The following PKP4 variants were observed in gnomAD, a reference collection of about 807,000 sequenced individuals.
PKP4 encodes plakophilin-4.
A neutral mutation model predicts 145.1 loss-of-function variants in PKP4; 90 were observed. The observed-to-expected ratio is 0.62, with a 90% CI of 0.52 to 0.74. PKP4 has a LOEUF of 0.74. Ranked by LOEUF, PKP4 falls within the 30% of genes least tolerant of loss-of-function variation. PKP4 has a pLI of 0.00. For synonymous variants in PKP4, 563 were observed against 577.2 expected (o/e 0.98, Z 0.35); for missense variants, 1,340 against 1,482.7 (o/e 0.90, Z 1.58).
chr2:158,484,044 T>C (rs974016686), intron 1 of PKP4, among the ~76,000 whole-genome samples: 4 of 147,038 alleles, frequency 2.7e-5, no homozygotes, highest in African/African-American at 1.0e-4. Flanking sequence ...TTTTTTTTTT[T>C]TTTTTTTTGA....
At chr2:158,634,358 CT>C in intron 9 of PKP4, 69 bp downstream of exon 9, 1 of 1,224,580 alleles carries the variant, frequency 8.2e-7, no homozygotes, top group Non-Finnish European at 1.2e-6. Flanking sequence ...TCCATTTTGA[CT>C]TTTTTAAGTT....
chr2:158,559,970 G>C (rs2105733192), intron 2 of PKP4, among the ~76,000 whole-genome samples: 1 of 152,090 alleles, frequency 6.6e-6, no homozygotes, highest in South Asian at 2.1e-4. Flanking sequence ...GGATTCAAGT[G>C]ATTCTCCTGC....
chr2:158,533,488 A>G, intron 2 of PKP4, 172 bp downstream of exon 2: 1 of 749,340 alleles, frequency 1.3e-6, no homozygotes, highest in Non-Finnish European at 2.4e-6. Flanking sequence ...GAGCCGCTCC[A>G]GGTGCCAGTC....
At chr2:158,637,070 G>A (rs2053870424) in intron 9 of PKP4, among the ~76,000 whole-genome samples, 4 of 152,122 alleles carry the variant, frequency 2.6e-5, no homozygotes, top group South Asian at 2.1e-4. Context: ...ATATACTGAC[G>A]GTTGTAGATG....
In PKP4 at chr2:158,680,664, A is replaced by G. The variant is rs2058380758; in HGVS notation, c.3566A>G (p.Asp1189Gly). ...YRAEQYPGSP[D>G]SWV ...GCAGAACAGTACCCAGGGTCCCCAG[A>G]CTCATGGGTGTAGCATCAAGATGCC... The change falls in exon 22 of 22, where the codon GAC (aspartate) becomes GGC (glycine). Residue 1189 changes from aspartate (D) to glycine (G), a missense_variant. Transcript: ENST00000389759. 4 of 1,611,754 alleles carry G rather than the reference A, an allele frequency of 2.5e-6. No individual in the cohort carries two copies. Among genetic ancestry groups the G allele is most frequent in the Non-Finnish European group, 3.4e-6 (4 of 1,178,958 alleles).
At chr2:158,628,512 T>C (rs2053036206) in intron 7 of PKP4, among the ~76,000 whole-genome samples, 1 of 152,178 alleles carries the variant, frequency 6.6e-6, no homozygotes, top group Admixed American at 6.5e-5. Context: ...TCAGAAGGAT[T>C]CTTAATATCA....
At chr2:158,636,718 ATTC>A (rs2053843229) in intron 9 of PKP4, among the ~76,000 whole-genome samples, 1 of 151,876 alleles carries the variant, frequency 6.6e-6, no homozygotes, top group South Asian at 2.1e-4. Context: ...TTTTCCCTGT[ATTC>A]TTGTAATCAG....
chr2:158,575,800 AAC>A (rs911383652), intron 2 of PKP4, among the ~76,000 whole-genome samples: 4 of 151,054 alleles, frequency 2.6e-5, no homozygotes, highest in Admixed American at 6.8e-5. Context: ...TAACAAAAAA[AAC>A]AAAATGATGC....
intron 2 of PKP4, among the ~76,000 whole-genome samples, chr2:158,554,680 C>G (rs1465020004): frequency 6.6e-6 from 1 of 152,190 alleles, no homozygotes; most frequent in Non-Finnish European, 1.5e-5. Context: ...CTGCGTCAGC[C>G]TCCCAAAGTG....
chr2:158,463,068 T>C (rs949638068), intron 1 of PKP4, among the ~76,000 whole-genome samples: 2 of 152,184 alleles, frequency 1.3e-5, no homozygotes, highest in Non-Finnish European at 2.9e-5. Flanking sequence ...AGAGAAGAAA[T>C]AAACTGCTGA....
At chr2:158,595,533 C>T (rs1170240674) in intron 3 of PKP4, among the ~76,000 whole-genome samples, 3 of 152,066 alleles carry the variant, frequency 2.0e-5, no homozygotes, top group African/African-American at 7.2e-5. Flanking sequence ...TCACAAGAAA[C>T]TAATGGAATA....
At chr2:158,671,625 T>G (rs2057561722) in intron 17 of PKP4, among the ~76,000 whole-genome samples, 1 of 152,180 alleles carries the variant, frequency 6.6e-6, no homozygotes, top group South Asian at 2.1e-4. Context: ...TCACAAGTAC[T>G]TACTGCCTGC....
At chr2:158,535,326 T>C (rs1259220928) in intron 2 of PKP4, among the ~76,000 whole-genome samples, 1 of 152,206 alleles carries the variant, frequency 6.6e-6, no homozygotes, top group Non-Finnish European at 1.5e-5. Context: ...AGTGTGACAC[T>C]CTTAGCCCAC....
chr2:158,540,599 A>G (rs2044430906), intron 2 of PKP4, among the ~76,000 whole-genome samples: 1 of 152,172 alleles, frequency 6.6e-6, no homozygotes, highest in Non-Finnish European at 1.5e-5. Flanking sequence ...TAATTGACAC[A>G]TTATGAATAT....
chr2:158,655,930 A>G (rs997221182), intron 11 of PKP4, among the ~76,000 whole-genome samples: 1 of 152,204 alleles, frequency 6.6e-6, no homozygotes, highest in African/African-American at 2.4e-5. Flanking sequence ...CTCTCCTGCT[A>G]TGCCTTGACC....
chr2:158,545,850 C>T (rs2044984090), intron 2 of PKP4, among the ~76,000 whole-genome samples: 1 of 152,140 alleles, frequency 6.6e-6, no homozygotes, highest in African/African-American at 2.4e-5. Context: ...TTCTAAGACT[C>T]AATTTCTCTT....
At chr2:158,550,794 G>A (rs1040610750) in intron 2 of PKP4, among the ~76,000 whole-genome samples, 7 of 152,282 alleles carry the variant, frequency 4.6e-5, no homozygotes, top group South Asian at 2.1e-4. Flanking sequence ...GTACATTTAC[G>A]AAGTAATATT....
chr2:158,495,554 G>T (rs1347904993), intron 1 of PKP4, among the ~76,000 whole-genome samples: 1 of 152,010 alleles, frequency 6.6e-6, no homozygotes, highest in South Asian at 2.1e-4. Flanking sequence ...AAAAAGGAGT[G>T]TCCGGGTGCC....
At chr2:158,494,889 A>T (rs1205311645) in intron 1 of PKP4, among the ~76,000 whole-genome samples, 2 of 151,396 alleles carry the variant, frequency 1.3e-5, no homozygotes, top group African/African-American at 4.8e-5. Context: ...TTTTTTTTTT[A>T]AAGTTGTGCA....
Sources: allele counts gnomAD v4.1 joint callset (sites outside exome capture counted in the v4.1 genomes callset), GRCh38; gene constraint gnomAD v4.1.1; transcripts MANE v1.5; gene names NCBI Gene and HGNC (gene_info 2026-07-23, HGNC 2026-07-21).